The following PRKG1 variants were observed in gnomAD, a reference collection of about 807,000 sequenced individuals.
The protein encoded by PRKG1 is protein kinase cGMP-dependent 1, also known as cGMP-dependent protein kinase 1.
In PRKG1, 35 loss-of-function variants were observed where a neutral mutation model predicts 88.1. That is an observed-to-expected ratio of 0.40 (90% CI 0.30 to 0.53). The LOEUF is 0.53. PRKG1 is among the 20% of genes least tolerant of loss of function. PRKG1 has a pLI of 0.59. For synonymous variants in PRKG1, 303 were observed against 292.5 expected (o/e 1.04, Z -0.37); for missense variants, 540 against 839.8 (o/e 0.64, Z 4.41).
chr10:52,212,019 G>A (rs1839990374), intron 9 of PRKG1, among the ~76,000 whole-genome samples: 1 of 152,086 alleles, frequency 6.6e-6, no homozygotes, highest in Non-Finnish European at 1.5e-5. Context: ...TATTACTGTT[G>A]TTAAAAGAAA....
At chr10:52,043,991 A>G (rs530273923) in intron 5 of PRKG1, among the ~76,000 whole-genome samples, 1 of 151,778 alleles carries the variant, frequency 6.6e-6, no homozygotes, top group African/African-American at 2.4e-5. Context: ...TATTCAGGGT[A>G]AGGATTCAGA....
intron 3 of PRKG1, among the ~76,000 whole-genome samples, chr10:51,731,745 G>A (rs994128233): frequency 2.0e-5 from 3 of 152,204 alleles, no homozygotes; most frequent in Non-Finnish European, 4.4e-5. Context: ...AGATTTGGAA[G>A]CTATGTTAGT....
chr10:51,436,527 G>T lies in PRKG1; in HGVS notation c.479-31196G>T, dbSNP rs7085522. 7.8e-3 allele frequency among the ~76,000 whole-genome samples: 1,184 copies of T among 152,066 alleles called. 20 individuals are homozygous for T. The highest frequency in any genetic ancestry group is 0.027 in the African/African-American group (1,138 of 41,506). Reference sequence around the variant, plus strand: ...ACTAACATCCATTGAGCATAAGCAAGACATTTCAAGTTGACTTTAACTTTG... The same window carrying T: ...ACTAACATCCATTGAGCATAAGCAATACATTTCAAGTTGACTTTAACTTTG... On this transcript the variant is annotated intron_variant, in intron 2 of 17. Coordinates refer to ENST00000373980, the MANE Select transcript of PRKG1 (RefSeq NM_006258.4).
chr10:51,078,610 T>TTATTTATC (rs1554834247), intron 1 of PRKG1, among the ~76,000 whole-genome samples: 5 of 143,098 alleles, frequency 3.5e-5, no homozygotes, highest in African/African-American at 1.3e-4. Flanking sequence ...ATTTATTTAT[T>TTATTTATC]TATTTATTTA....
intron 3 of PRKG1, among the ~76,000 whole-genome samples, chr10:51,788,044 A>T (rs1286147188): frequency 6.6e-6 from 1 of 152,158 alleles, no homozygotes; most frequent in Non-Finnish European, 1.5e-5. Context: ...TGTGTTGTAC[A>T]CTCACAATTG....
chr10:51,023,196 C>T (rs991638082), intron 1 of PRKG1, among the ~76,000 whole-genome samples: 1 of 152,172 alleles, frequency 6.6e-6, no homozygotes, highest in African/African-American at 2.4e-5. Context: ...TAGCTTCAAC[C>T]TTGTCAAGCT....
chr10:51,939,592 A>AT (rs11301177), intron 5 of PRKG1, among the ~76,000 whole-genome samples: 356 of 148,076 alleles, frequency 2.4e-3, no homozygotes, highest in African/African-American at 6.1e-3. Flanking sequence ...TATAAACTTA[A>AT]TTTTTTTTTT....
intron 4 of PRKG1, among the ~76,000 whole-genome samples, chr10:51,806,714 G>A (rs1297419916): frequency 2.0e-5 from 3 of 152,046 alleles, no homozygotes; most frequent in African/African-American, 7.2e-5. Context: ...TTTTTCAGTG[G>A]AGCACAGTTC....
Position 51,521,689 on chromosome 10 carries a change from A to T in PRKG1, c.592+53853A>T, listed in dbSNP as rs10997905. Among the ~76,000 whole-genome samples, 898 of 152,300 alleles carry T rather than the reference A, an allele frequency of 5.9e-3. 14 individuals are homozygous for T. The highest frequency in any genetic ancestry group is 0.021 in the African/African-American group (859 of 41,568). On this transcript the variant is annotated intron_variant, in intron 3 of 17. Coordinates refer to ENST00000373980, the MANE Select transcript of PRKG1 (RefSeq NM_006258.4). ...TTTCCATGAGAATTCTAATTGTACA[A>T]ATAGCTTTAGCATCTGTAAAGTGGC...
chr10:52,131,625 T>A (rs1446202476), intron 7 of PRKG1, among the ~76,000 whole-genome samples: 2 of 151,478 alleles, frequency 1.3e-5, no homozygotes, highest in Non-Finnish European at 2.9e-5. Flanking sequence ...GGCGGGTGGA[T>A]CCCCTGAGGT....
intron 3 of PRKG1, among the ~76,000 whole-genome samples, chr10:51,729,654 C>A (rs1321562240): frequency 7.4e-6 from 1 of 135,382 alleles, no homozygotes; most frequent in Non-Finnish European, 1.5e-5. Context: ...TTGCAGTGAG[C>A]CGAGGTCATG....
chr10:51,063,988 G>A (rs1843720953), intron 1 of PRKG1, among the ~76,000 whole-genome samples: 3 of 152,080 alleles, frequency 2.0e-5, no homozygotes, highest in African/African-American at 7.2e-5. Context: ...AATGAGTCAT[G>A]TAAAGAAGGA....
intron 3 of PRKG1, among the ~76,000 whole-genome samples, chr10:51,724,204 A>G (rs1394513746): frequency 6.6e-6 from 1 of 152,230 alleles, no homozygotes; most frequent in African/African-American, 2.4e-5. Flanking sequence ...ACACAGGACC[A>G]TGCTTGCTTT....
chr10:51,190,802 A>T (rs1837611834), intron 2 of PRKG1, among the ~76,000 whole-genome samples: 3 of 151,622 alleles, frequency 2.0e-5, no homozygotes, highest in Admixed American at 2.0e-4. Flanking sequence ...AATGTTTTGA[A>T]CCTCCACTTT....
chr10:52,189,904 A>C (rs1332124885), intron 9 of PRKG1, among the ~76,000 whole-genome samples: 1 of 152,242 alleles, frequency 6.6e-6, no homozygotes, highest in Non-Finnish European at 1.5e-5. Flanking sequence ...CATCTTTAAT[A>C]ATGAGTATTC....
chr10:51,215,564 G>A (rs888259483), intron 2 of PRKG1, among the ~76,000 whole-genome samples: 4 of 152,184 alleles, frequency 2.6e-5, no homozygotes, highest in Non-Finnish European at 5.9e-5. Flanking sequence ...CAGGGGGCAT[G>A]GAGGAGGAAG....
At chr10:51,601,008 A>G (rs1000438025) in intron 3 of PRKG1, among the ~76,000 whole-genome samples, 2 of 150,982 alleles carry the variant, frequency 1.3e-5, no homozygotes, top group African/African-American at 4.9e-5. Flanking sequence ...GGGGAGGGGG[A>G]AAAGAAGAAG....
chr10:51,307,617 T>C (rs921246499), intron 2 of PRKG1, among the ~76,000 whole-genome samples: 2 of 152,204 alleles, frequency 1.3e-5, no homozygotes, highest in African/African-American at 4.8e-5. Context: ...TATTTAAATA[T>C]GTAAAGTAGA....
intron 3 of PRKG1, among the ~76,000 whole-genome samples, chr10:51,626,853 A>G (rs772832683): frequency 3.4e-4 from 52 of 152,124 alleles, no homozygotes; most frequent in Non-Finnish European, 4.1e-4. Flanking sequence ...TTGAACTTGT[A>G]TTTTAATCCC....
Sources: allele counts gnomAD v4.1 joint callset (sites outside exome capture counted in the v4.1 genomes callset), GRCh38; gene constraint gnomAD v4.1.1; transcripts MANE v1.5; gene names NCBI Gene and HGNC (gene_info 2026-07-23, HGNC 2026-07-21).